EYA1: variants seen among roughly 807,000 people sequenced by gnomAD.
EYA1 encodes the protein EYA transcriptional coactivator and phosphatase 1, also known as protein phosphatase EYA1.
In EYA1, 16 loss-of-function variants were observed where a neutral mutation model predicts 82.0. The observed-to-expected ratio is 0.20, with a 90% CI of 0.13 to 0.30. The LOEUF (loss-of-function observed/expected upper bound fraction) is 0.30. Among genes scored for constraint, EYA1 ranks in the 10% least tolerant of loss-of-function variants. The pLI, the probability that EYA1 is intolerant of heterozygous loss-of-function variation, is 1.00. For missense variants in EYA1, 633 were observed against 730.7 expected (o/e 0.87, Z 1.54); for synonymous variants, 261 against 264.4 (o/e 0.99, Z 0.12).
chr8:71,257,289 A>C (rs892693278), intron 11 of EYA1, among the ~76,000 whole-genome samples: 13 of 152,204 alleles, frequency 8.5e-5, no homozygotes, highest in Non-Finnish European at 1.2e-4. Flanking sequence ...ATATTGTTAA[A>C]GCTGGAGTGG....
At chr8:71,253,531 G>A (rs1814008620) in intron 11 of EYA1, among the ~76,000 whole-genome samples, 1 of 152,072 alleles carries the variant, frequency 6.6e-6, no homozygotes, top group South Asian at 2.1e-4. Context: ...ATGTTAGATT[G>A]TATATAAATC....
intron 2 of EYA1, among the ~76,000 whole-genome samples, chr8:71,453,473 T>G (rs1807578119): frequency 1.3e-5 from 2 of 152,074 alleles, no homozygotes; most frequent in South Asian, 4.1e-4. Context: ...AATTGTCAGA[T>G]TCATCAAAGT....
intron 11 of EYA1, among the ~76,000 whole-genome samples, chr8:71,259,746 T>C (rs1013631575): frequency 1.3e-5 from 2 of 152,208 alleles, no homozygotes; most frequent in Non-Finnish European, 2.9e-5. Flanking sequence ...CTGTTGTTTA[T>C]CTCTTTTGGG....
intron 2 of EYA1, among the ~76,000 whole-genome samples, chr8:71,410,113 GC>G (rs1168344427): frequency 6.6e-6 from 1 of 151,628 alleles, no homozygotes; most frequent in Non-Finnish European, 1.5e-5. Context: ...TATAAACAGA[GC>G]CAAAGACAAA....
intron 7 of EYA1, among the ~76,000 whole-genome samples, chr8:71,306,194 A>G (rs565118712): frequency 3.9e-4 from 60 of 152,330 alleles, no homozygotes; most frequent in African/African-American, 1.3e-3. Flanking sequence ...TTCCCCAAAA[A>G]GGGAAGAAGT....
At chr8:71,215,267 C>A (rs903859878) in intron 16 of EYA1, 120 bp downstream of exon 16, 6 of 959,192 alleles carry the variant, frequency 6.3e-6, no homozygotes, top group Non-Finnish European at 6.4e-6. Flanking sequence ...TTAAATTATT[C>A]TTGTATTTTT....
At chr8:71,387,927 G>A (rs535483045) in intron 2 of EYA1, among the ~76,000 whole-genome samples, 401 of 152,234 alleles carry the variant, frequency 2.6e-3, no homozygotes, top group African/African-American at 9.2e-3. Context: ...CAAGCATTAG[G>A]AATCATCAGC....
At chr8:71,523,799 C>T (rs1488684030) in intron 2 of EYA1, among the ~76,000 whole-genome samples, 1 of 152,050 alleles carries the variant, frequency 6.6e-6, no homozygotes, top group Non-Finnish European at 1.5e-5. Context: ...GTTTAAATTC[C>T]AAACGAGTAA....
chr8:71,447,198 T>C (rs956093639), intron 2 of EYA1, among the ~76,000 whole-genome samples: 2 of 152,002 alleles, frequency 1.3e-5, no homozygotes, highest in Non-Finnish European at 2.9e-5. Context: ...CTTCCTCCTC[T>C]TTGGGGTCTT....
Position 71,546,514 on chromosome 8 carries a change from T to TA in EYA1, c.-73+1349_-73+1350insT, listed in dbSNP as rs112257684. Among the ~76,000 whole-genome samples, 78 of 150,592 alleles carry TA rather than the reference T, an allele frequency of 5.2e-4. 2 individuals carry two copies. The highest frequency in any genetic ancestry group is 8.3e-4 in the African/African-American group (34 of 40,988). On this transcript the variant is annotated intron_variant, in intron 1 of 18. Transcript: ENST00000643681. ...TAGACACTTTCTACTGATTCTTATT[T>TA]TTTTTTTTTTTTTGAACGCTCTGTC...
chr8:71,477,065 T>C (rs571645140), intron 2 of EYA1, among the ~76,000 whole-genome samples: 1 of 152,040 alleles, frequency 6.6e-6, no homozygotes, highest in African/African-American at 2.4e-5. Context: ...CATCAAGACC[T>C]AAGATTAACT....
At chr8:71,347,804 A>T (rs1039351417) in intron 3 of EYA1, among the ~76,000 whole-genome samples, 3 of 148,154 alleles carry the variant, frequency 2.0e-5, no homozygotes, top group Non-Finnish European at 3.0e-5. Flanking sequence ...TATTATGAGG[A>T]GTACATAAAC....
At chr8:71,288,333 T>C (rs1301221891) in intron 9 of EYA1, among the ~76,000 whole-genome samples, 3 of 152,176 alleles carry the variant, frequency 2.0e-5, no homozygotes, top group African/African-American at 4.8e-5. Context: ...AGGATATTCA[T>C]CTCCATCTTT....
chr8:71,397,286 A>C (rs1318071170), intron 2 of EYA1, among the ~76,000 whole-genome samples: 1 of 152,208 alleles, frequency 6.6e-6, no homozygotes, highest in Admixed American at 6.5e-5. Flanking sequence ...TAGCCTATTT[A>C]CATTTAAGGT....
chr8:71,479,815 T>C (rs1166048100), intron 2 of EYA1, among the ~76,000 whole-genome samples: 1 of 152,094 alleles, frequency 6.6e-6, no homozygotes, highest in African/African-American at 2.4e-5. Flanking sequence ...CAACTGTGCT[T>C]CCCATCCCTG....
intron 12 of EYA1, among the ~76,000 whole-genome samples, chr8:71,221,719 C>A (rs1809941740): frequency 1.3e-5 from 2 of 152,132 alleles, no homozygotes; most frequent in South Asian, 4.2e-4. Context: ...GCAGCCAATG[C>A]CAGGGAGAGG....
rs527453589 is a variant in EYA1, at chr8:71,225,578, T to C, written c.1141-8555A>G. On this transcript the variant is annotated intron_variant, in intron 12 of 17. Transcript: ENST00000340726. The stretch of plus-strand genomic sequence containing the variant: ...GAATTAAGACACACCTGGACAAATA[T>C]ATCTTTTAATTCCCACTCTAAACTA... Among the ~76,000 whole-genome samples, 16 of 152,326 alleles carry C rather than the reference T, an allele frequency of 1.1e-4. No homozygotes were observed. The East Asian group carries it at 2.9e-3, about 28-fold the overall frequency.
chr8:71,266,879 G>A (rs1008267000), intron 11 of EYA1, among the ~76,000 whole-genome samples: 1 of 152,068 alleles, frequency 6.6e-6, no homozygotes, highest in African/African-American at 2.4e-5. Flanking sequence ...AGTTGCCCAG[G>A]ACAACACAGG....
At chr8:71,461,291 C>A (rs529738921) in intron 2 of EYA1, among the ~76,000 whole-genome samples, 123 of 152,144 alleles carry the variant, frequency 8.1e-4, no homozygotes, top group African/African-American at 2.9e-3. Context: ...ATGCATGGAG[C>A]GGCAAGGGGT....
Sources: gnomAD v4.1 joint callset for allele counts (sites outside exome capture counted in the v4.1 genomes callset) on GRCh38, gnomAD v4.1.1 for gene constraint, MANE v1.5 for transcripts, NCBI Gene and HGNC (gene_info 2026-07-23, HGNC 2026-07-21) for gene names.